The following CRPPA variants were observed in gnomAD, a reference collection of about 807,000 sequenced individuals.
CRPPA encodes CDP-L-ribitol pyrophosphorylase A, also known as D-ribitol-5-phosphate cytidylyltransferase.
Under a neutral mutation model 52.0 loss-of-function variants are expected in CRPPA, and 43 were observed. The observed-to-expected ratio is 0.83, with a 90% CI of 0.65 to 1.07. The LOEUF (loss-of-function observed/expected upper bound fraction) is 1.07. Ranked by LOEUF, CRPPA falls within the 50% of genes least tolerant of loss-of-function variation. The probability of loss-of-function intolerance (pLI) is 0.00; values close to 1 mark genes in which losing one functional copy is unlikely to be tolerated. For missense variants in CRPPA, 629 were observed against 551.7 expected (o/e 1.14, Z -1.40); for synonymous variants, 250 against 203.5 (o/e 1.23, Z -1.94).
At chr7:16,186,146 G>C (rs1781500872) in intron 9 of CRPPA, among the ~76,000 whole-genome samples, 1 of 152,102 alleles carries the variant, frequency 6.6e-6, no homozygotes, top group African/African-American at 2.4e-5. Context: ...TAAAATGTTA[G>C]CAGTTACTTT....
intron 9 of CRPPA, among the ~76,000 whole-genome samples, chr7:16,115,870 G>T (rs1210421011): frequency 6.6e-6 from 1 of 152,084 alleles, no homozygotes; most frequent in Non-Finnish European, 1.5e-5. Context: ...AGATAGATTA[G>T]ATAGATAGAA....
chr7:16,228,797 G>A (rs991057909), intron 8 of CRPPA, among the ~76,000 whole-genome samples: 1 of 151,952 alleles, frequency 6.6e-6, no homozygotes, highest in Non-Finnish European at 1.5e-5. Context: ...AATATCCTAT[G>A]TATGTCTGTT....
chr7:16,139,935 T>C (rs952517786), intron 9 of CRPPA, among the ~76,000 whole-genome samples: 3 of 152,144 alleles, frequency 2.0e-5, no homozygotes, highest in African/African-American at 4.8e-5. Context: ...TTGTTTGATA[T>C]ACTCTATCTA....
intron 5 of CRPPA, among the ~76,000 whole-genome samples, chr7:16,291,979 T>C (rs73065158): frequency 1.3e-5 from 2 of 152,084 alleles, no homozygotes; most frequent in Non-Finnish European, 2.9e-5. Flanking sequence ...ATTTCAATTA[T>C]GCACTTTATG....
chr7:16,207,004 A>G (rs1781989691), intron 9 of CRPPA, among the ~76,000 whole-genome samples: 1 of 152,146 alleles, frequency 6.6e-6, no homozygotes, highest in Non-Finnish European at 1.5e-5. Context: ...AAACAAAACC[A>G]AATGCCAAAC....
At chr7:16,248,877 C>T (rs952414482) in intron 8 of CRPPA, among the ~76,000 whole-genome samples, 1 of 152,140 alleles carries the variant, frequency 6.6e-6, no homozygotes, top group African/African-American at 2.4e-5. Flanking sequence ...GTGCTTTTCC[C>T]AAGGTCTTTG....
intron 1 of CRPPA, among the ~76,000 whole-genome samples, chr7:16,412,154 C>T (rs10269145): frequency 0.015 from 2,260 of 152,238 alleles, 60 homozygotes; most frequent in African/African-American, 0.051. Flanking sequence ...TGGCCTTACA[C>T]TATTTCAAAC....
intron 9 of CRPPA, among the ~76,000 whole-genome samples, chr7:16,092,138 C>A (rs1185731819): frequency 4.6e-5 from 7 of 152,064 alleles, no homozygotes; most frequent in Admixed American, 2.0e-4. Flanking sequence ...TGATGCAATC[C>A]TTTTCTTCAT....
At chr7:16,207,300 G>A (rs190692139) in intron 9 of CRPPA, among the ~76,000 whole-genome samples, 23 of 152,186 alleles carry the variant, frequency 1.5e-4, no homozygotes, top group Non-Finnish European at 2.4e-4. Context: ...TAGGCAATAC[G>A]CTGCAAATGT....
At chr7:16,194,578 C>G (rs1781688877) in intron 9 of CRPPA, among the ~76,000 whole-genome samples, 1 of 152,142 alleles carries the variant, frequency 6.6e-6, no homozygotes, top group African/African-American at 2.4e-5. Flanking sequence ...CCAGAACAAT[C>G]TGAGTGCCAA....
intron 3 of CRPPA, among the ~76,000 whole-genome samples, chr7:16,324,903 C>T (rs1785347123): frequency 1.3e-5 from 2 of 152,196 alleles, no homozygotes; most frequent in South Asian, 2.1e-4. Context: ...ATTGAGTACT[C>T]GCCCTGTCCT....
At chr7:16,111,137 C>CA (rs779073974) in intron 9 of CRPPA, among the ~76,000 whole-genome samples, 53 of 151,816 alleles carry the variant, frequency 3.5e-4, no homozygotes, top group Non-Finnish European at 6.3e-4. Flanking sequence ...AAACATTTCT[C>CA]AAAAGAAAAA....
chr7:16,287,026 G>A (rs1784465558), intron 5 of CRPPA, among the ~76,000 whole-genome samples: 1 of 152,180 alleles, frequency 6.6e-6, no homozygotes, highest in South Asian at 2.1e-4. Context: ...ATTATTTAGT[G>A]CTCATGTCAT....
chr7:16,225,829 T>A (rs942891171), intron 8 of CRPPA, among the ~76,000 whole-genome samples: 1 of 151,980 alleles, frequency 6.6e-6, no homozygotes, highest in Non-Finnish European at 1.5e-5. Flanking sequence ...ATGCTACTTC[T>A]CATCTATAAG....
chr7:16,329,594 G>C (rs549028158), intron 3 of CRPPA, among the ~76,000 whole-genome samples: 2 of 152,268 alleles, frequency 1.3e-5, no homozygotes, highest in Non-Finnish European at 2.9e-5. Flanking sequence ...AACTACATAT[G>C]TGAAAAACAG....
intron 8 of CRPPA, among the ~76,000 whole-genome samples, chr7:16,236,915 CT>C (rs749755067): frequency 6.6e-6 from 1 of 151,594 alleles, no homozygotes; most frequent in Non-Finnish European, 1.5e-5. Flanking sequence ...TCTAACTTGC[CT>C]TTCAAAGTAA....
rs1489382680 is a variant in CRPPA, at chr7:16,349,798, T to C, written c.684+26294A>G. Among the ~76,000 whole-genome samples, 4 of 151,812 alleles carry C rather than the reference T, an allele frequency of 2.6e-5. 1 individual carries two copies. Among genetic ancestry groups the C allele is most frequent in the South Asian group, 4.2e-4 (2 of 4,810 alleles). On this transcript the variant is annotated intron_variant, in intron 3 of 9. Transcript: ENST00000407010. ...ATCAAGTGGAAGAACGTATGCATTATCCACATGCCAGAAGAGAAAACAGAA... is the reference window on the plus strand; with the variant it reads ...ATCAAGTGGAAGAACGTATGCATTACCCACATGCCAGAAGAGAAAACAGAA...
chr7:16,301,274 G>A lies in CRPPA; in HGVS notation c.835+147C>T, dbSNP rs1784784917. 1.3e-5 allele frequency: 8 copies of A among 615,874 alleles called. No homozygotes were observed. The South Asian group carries it at 1.8e-4, about 14-fold the overall frequency. 38.2% of individuals were successfully genotyped at this position (615,874 alleles called of 1,614,324 possible). On this transcript the variant is annotated intron_variant, in intron 5 of 9. Coordinates refer to ENST00000407010, the MANE Select transcript of CRPPA (RefSeq NM_001101426.4). Reference sequence around the variant, plus strand: ...TTCTCTAGCATGAAACACATAAAATGTAATTATTTTCAAAAAACAAATCAG... The same window carrying A: ...TTCTCTAGCATGAAACACATAAAATATAATTATTTTCAAAAAACAAATCAG...
intron 9 of CRPPA, among the ~76,000 whole-genome samples, chr7:16,107,912 G>C (rs1258567113): frequency 2.6e-5 from 4 of 152,000 alleles, no homozygotes; most frequent in Non-Finnish European, 5.9e-5. Flanking sequence ...ATCAAAGTTA[G>C]TTTTTCACTT....
Sources: gnomAD v4.1 joint callset for allele counts (sites outside exome capture counted in the v4.1 genomes callset) on GRCh38, gnomAD v4.1.1 for gene constraint, MANE v1.5 for transcripts, NCBI Gene and HGNC (gene_info 2026-07-23, HGNC 2026-07-21) for gene names.